The following PKP1 variants were observed in gnomAD, a reference collection of about 807,000 sequenced individuals.
PKP1 encodes plakophilin-1.
PKP1 carries 27 observed loss-of-function variants against 76.4 expected under a neutral mutation model. The observed-to-expected ratio is 0.35, with a 90% CI of 0.26 to 0.49. The LOEUF (loss-of-function observed/expected upper bound fraction) is 0.49. PKP1 is among the 20% of genes least tolerant of loss of function. The pLI is 0.99. For synonymous variants in PKP1, 404 were observed against 384.2 expected (o/e 1.05, Z -0.60); for missense variants, 964 against 955.2 (o/e 1.01, Z -0.12).
intron 12 of PKP1, among the ~76,000 whole-genome samples, chr1:201,326,642 G>T (rs854506): frequency 6.6e-6 from 1 of 152,228 alleles, no homozygotes; most frequent in East Asian, 1.9e-4. Context: ...AGTAAGAGGG[G>T]TCCCAATTTG....
Position 201,318,639 on chromosome 1 carries a change from C to T in PKP1, c.1076C>T (p.Ser359Phe), listed in dbSNP as rs766566983. The change falls in exon 6 of 14, where the codon TCC becomes TTC. Residue 359 changes from serine to phenylalanine, a missense_variant. Ser to Phe is a radical substitution (Grantham distance 155). Coordinates refer to ENST00000367324, the MANE Select transcript of PKP1 (RefSeq NM_001005337.3). ...QLTGLLWNLS[S>F]TDELKEELIA... ...CCAGGGCTGCTCTGGAACCTGTCTT[C>T]CACTGACGAGCTGAAGGAGGAACTC... 20 of 1,612,116 alleles carry T rather than the reference C, an allele frequency of 1.2e-5. No individual in the cohort carries two copies. Among genetic ancestry groups the T allele is most frequent in the Non-Finnish European group, 1.7e-5 (20 of 1,179,928 alleles).
At chr1:201,317,485 TGA>T in intron 4 of PKP1, 85 bp from the exon 5 acceptor site, 1 of 1,047,412 alleles carries the variant, frequency 9.5e-7, no homozygotes, top group Non-Finnish European at 1.4e-6. Context: ...TTTTTTGGTC[TGA>T]AAAAAAAAAT....
chr1:201,297,059 T>C (rs147405159), intron 2 of PKP1, among the ~76,000 whole-genome samples: 106 of 152,352 alleles, frequency 7.0e-4, no homozygotes, highest in African/African-American at 2.4e-3. Context: ...TTTTACCTTA[T>C]AGTCTATATC....
chr1:201,311,882 G>C (rs993841048), intron 2 of PKP1, among the ~76,000 whole-genome samples: 1 of 152,224 alleles, frequency 6.6e-6, no homozygotes, highest in African/African-American at 2.4e-5. Context: ...GTGAGCTCCT[G>C]GGAAAGTCCT....
rs777137706 is a variant in PKP1 at position 201,325,006 on chromosome 1, G to A, written c.1900G>A (p.Glu634Lys). ...CCACACTGGCAATACCAGCAACTCC[G>A]AAGACATCTTGTCCTCGGCCTGCTA... Reference protein sequence around the residue: ...TSHTGNTSNSEDILSSACYTV... With the variant: ...TSHTGNTSNSKDILSSACYTV... The change falls in exon 11 of 14, where the codon GAA (glutamate) becomes AAA (lysine). Residue 634 changes from glutamate to lysine, a missense_variant. Transcript: ENST00000367324. 2.5e-5 allele frequency: 41 copies of A among 1,613,742 alleles called. No homozygotes were observed. The highest frequency in any genetic ancestry group is 6.7e-5 in the African/African-American group (5 of 74,916).
intron 1 of PKP1, among the ~76,000 whole-genome samples, chr1:201,291,054 C>A (rs976776590): frequency 5.3e-5 from 8 of 152,200 alleles, no homozygotes; most frequent in Admixed American, 2.0e-4. Context: ...AGTGCTCTTA[C>A]AGACAGAGCA....
At chr1:201,288,870 T>A (rs2102405384) in intron 1 of PKP1, among the ~76,000 whole-genome samples, 1 of 152,176 alleles carries the variant, frequency 6.6e-6, no homozygotes, top group South Asian at 2.1e-4. Flanking sequence ...TCTGAACGCG[T>A]CCCAGCAGAG....
chr1:201,288,851 A>G (rs1655816048), intron 1 of PKP1, among the ~76,000 whole-genome samples: 2 of 152,184 alleles, frequency 1.3e-5, no homozygotes, highest in Admixed American at 1.3e-4. Flanking sequence ...GGATTGTGGC[A>G]GAGCTAGGTC....
chr1:201,296,604 G>A (rs1356376366), intron 2 of PKP1, among the ~76,000 whole-genome samples: 1 of 152,210 alleles, frequency 6.6e-6, no homozygotes, highest in Non-Finnish European at 1.5e-5. Context: ...CAGTGAGTGA[G>A]GTGCGCTACA....
rs550396286 is a variant in PKP1 at position 201,318,984 on chromosome 1, G to T, written c.1232+189G>T. Among the ~76,000 whole-genome samples the T allele has an allele frequency of 8.5e-5, 13 of 152,206 alleles. No homozygotes were observed. The South Asian group carries it at 2.5e-3, about 29-fold the overall frequency. Reference sequence around the variant, plus strand: ...TTCCCTGGAACTGGATAAGGCCCAGGACCCTACCACCCCCTTTGAGAGAAT... The same window carrying T: ...TTCCCTGGAACTGGATAAGGCCCAGTACCCTACCACCCCCTTTGAGAGAAT... On this transcript the variant is annotated intron_variant, in intron 6 of 13. Transcript: ENST00000367324.
At chr1:201,327,122 T>C (rs1253254808) in intron 12 of PKP1, among the ~76,000 whole-genome samples, 1 of 152,128 alleles carries the variant, frequency 6.6e-6, no homozygotes, top group Non-Finnish European at 1.5e-5. Flanking sequence ...GATGGGGAGT[T>C]GCTGAGAGGA....
At chr1:201,313,030 T>A in intron 2 of PKP1, 136 bp from the exon 3 acceptor site, 3 of 894,182 alleles carry the variant, frequency 3.4e-6, no homozygotes, top group South Asian at 1.5e-5. Flanking sequence ...ATGGCTCAGG[T>A]TCCTTCCACG....
At chr1:201,316,134 G>GGATGGACA (rs1558191635) in intron 3 of PKP1, 2 of 32,310 alleles carry the variant, frequency 6.2e-5, no homozygotes, top group African/African-American at 1.3e-4. Flanking sequence ...ACGGACGGAC[G>GGATGGACA]GACGGATGGA....
At chr1:201,309,701 C>G (rs113117931) in intron 2 of PKP1, among the ~76,000 whole-genome samples, 1 of 152,134 alleles carries the variant, frequency 6.6e-6, no homozygotes, top group Admixed American at 6.6e-5. Context: ...GTGCACTGCC[C>G]GTGCATCCTC....
chr1:201,327,369 T>A (rs569110485), intron 12 of PKP1, among the ~76,000 whole-genome samples: 1 of 152,280 alleles, frequency 6.6e-6, no homozygotes, highest in East Asian at 1.9e-4. Flanking sequence ...GGGAGACTCA[T>A]GAACGCACGG....
chr1:201,327,857 T>C (rs1328845124), intron 12 of PKP1, among the ~76,000 whole-genome samples: 4 of 151,990 alleles, frequency 2.6e-5, no homozygotes, highest in Non-Finnish European at 2.9e-5. Context: ...TCCATTTTGC[T>C]GAATAGGGAA....
In PKP1 at chr1:201,330,936, G is replaced by A. The variant is rs1415339762; in HGVS notation, c.*895G>A. The A allele has an allele frequency of 2.6e-5, 4 of 152,254 alleles. No homozygotes were observed. The allele number at this position is 152,254 out of a possible 1,614,324, so 9.4% of individuals were successfully genotyped here. A position where few individuals can be genotyped will look rare whatever the true frequency, so the allele number is the denominator to read the frequency against. On this transcript the variant is annotated 3_prime_UTR_variant, in exon 14 of 14. Transcript: ENST00000367324. The stretch of plus-strand genomic sequence containing the variant: ...CATTCAGAGGTCTTGTAATCTACTT[G>A]TTGCAGGAGAAAGAAGGTAAAAAAT...
chr1:201,319,972 T>G, intron 6 of PKP1: 2 of 1,315,796 alleles, frequency 1.5e-6, no homozygotes, highest in Non-Finnish European at 2.2e-6. Flanking sequence ...GGAGAAGAAC[T>G]GAGTGCAAAT....
At chr1:201,307,371 G>A (rs1628905) in intron 2 of PKP1, among the ~76,000 whole-genome samples, 149,754 of 152,168 alleles carry the variant, frequency 0.98, 73,711 homozygotes, top group East Asian at 1. Flanking sequence ...TGCCCAGAGA[G>A]GTCAGGAGGC....
Sources: allele counts gnomAD v4.1 joint callset (sites outside exome capture counted in the v4.1 genomes callset), GRCh38; gene constraint gnomAD v4.1.1; transcripts MANE v1.5; gene names NCBI Gene and HGNC (gene_info 2026-07-23, HGNC 2026-07-21).